FRMPD4: variants seen among roughly 807,000 people sequenced by gnomAD.
The protein encoded by FRMPD4 is FERM and PDZ domain containing 4, also known as FERM and PDZ domain-containing protein 4.
Under a neutral mutation model 94.1 loss-of-function variants are expected in FRMPD4, and 22 were observed. The ratio of observed to expected loss-of-function variants is 0.23; its 90% CI spans 0.17 to 0.33. The LOEUF (loss-of-function observed/expected upper bound fraction) is 0.33, where lower values mean the gene tolerates loss of function less well. Ranked by LOEUF, FRMPD4 falls within the 10% of genes least tolerant of loss-of-function variation. The pLI is 1.00. For missense variants in FRMPD4, 1,111 were observed against 1,339.9 expected, an observed-to-expected ratio of 0.83 and a Z score of 2.67; for synonymous variants, 631 against 548.6, an observed-to-expected ratio of 1.15 and a Z score of -2.10.
At chrX:11,907,549 G>T (rs1298901682) in intron 3 of FRMPD4, among the ~76,000 whole-genome samples, 1 of 111,855 alleles carries the variant, frequency 8.9e-6, no homozygotes, top group Non-Finnish European at 1.9e-5. Flanking sequence ...GTTGCAGACT[G>T]CCATCTTCTT....
Position 12,683,354 on chromosome X carries a change from CTTGAATCGGA to C in FRMPD4, c.469-128_469-119del. On this transcript the variant is annotated intron_variant, in intron 5 of 16. Transcript: ENST00000675598. The stretch of plus-strand genomic sequence containing the variant: ...CTGCATCTATAATTTGCATTTTGTC[CTTGAATCGGA>C]CATGCACCAAGCATTTTATTTTTAA... The C allele has an allele frequency of 7.5e-6, 3 of 402,595 alleles. No homozygotes were observed. In the East Asian group the frequency reaches 1.3e-4, roughly 17 times the overall value. 33.2% of individuals were successfully genotyped at this position (402,595 alleles called of 1,213,427 possible).
intron 2 of FRMPD4, among the ~76,000 whole-genome samples, chrX:12,568,811 T>C (rs1033553248): frequency 5.3e-5 from 6 of 112,200 alleles, no homozygotes; most frequent in African/African-American, 1.3e-4. Flanking sequence ...ACTCAGACTA[T>C]TGAATATGGT....
intron 1 of FRMPD4, among the ~76,000 whole-genome samples, chrX:12,283,266 C>T (rs925931354): frequency 1.8e-5 from 2 of 113,130 alleles, no homozygotes; most frequent in Admixed American, 9.3e-5. Flanking sequence ...AGTAGGCATA[C>T]ATGCTTTAAT....
intron 3 of FRMPD4, among the ~76,000 whole-genome samples, chrX:12,076,679 A>G (rs778056946): frequency 3.6e-5 from 4 of 110,616 alleles, no homozygotes; most frequent in South Asian, 3.9e-4. Context: ...AGGCACTCTG[A>G]TTTCCCTTCC....
chrX:12,266,323 G>A (rs993048359), intron 1 of FRMPD4, among the ~76,000 whole-genome samples: 2 of 110,315 alleles, frequency 1.8e-5, no homozygotes, highest in Non-Finnish European at 3.8e-5. Flanking sequence ...GGTCTGCAAG[G>A]GTCACTGATC....
At chrX:12,025,676 G>T (rs2054656223) in intron 3 of FRMPD4, among the ~76,000 whole-genome samples, 1 of 111,973 alleles carries the variant, frequency 8.9e-6, no homozygotes, top group Non-Finnish European at 1.9e-5. Context: ...GAACCCATTT[G>T]TCATGTTCTG....
At chrX:12,063,835 C>G (rs996429448) in intron 3 of FRMPD4, among the ~76,000 whole-genome samples, 6 of 112,752 alleles carry the variant, frequency 5.3e-5, no homozygotes, top group Non-Finnish European at 1.1e-4. Context: ...TTCATGTTAT[C>G]TGTATCTCCT....
chrX:12,404,934 C>T (rs781759450), intron 1 of FRMPD4, among the ~76,000 whole-genome samples: 2 of 110,983 alleles, frequency 1.8e-5, no homozygotes, highest in East Asian at 5.7e-4. Context: ...ACCTGTGTTC[C>T]AATAAAACTT....
chrX:12,117,917 G>A (rs928391834), intron 3 of FRMPD4, among the ~76,000 whole-genome samples: 1 of 110,733 alleles, frequency 9.0e-6, no homozygotes, highest in Admixed American at 9.6e-5. Context: ...TTTGCTTCCC[G>A]AGCATATTAA....
chrX:12,177,299 G>A (rs1488306847), intron 1 of FRMPD4, among the ~76,000 whole-genome samples: 3 of 112,315 alleles, frequency 2.7e-5, no homozygotes, highest in Non-Finnish European at 5.6e-5. Flanking sequence ...CTATTTTTAT[G>A]TATGTTTGAA....
chrX:12,090,891 A>T (rs779579025), intron 3 of FRMPD4, among the ~76,000 whole-genome samples: 1 of 112,451 alleles, frequency 8.9e-6, no homozygotes, highest in South Asian at 3.7e-4. Flanking sequence ...GGATGATTGG[A>T]GGAGAGAGAC....
intron 2 of FRMPD4, among the ~76,000 whole-genome samples, chrX:12,547,643 T>C (rs1164895443): frequency 8.9e-6 from 1 of 112,168 alleles, no homozygotes; most frequent in African/African-American, 3.2e-5. Context: ...ACAGAAAGTA[T>C]GATTCCACTA....
At chrX:12,612,058 TACAC>T (rs1168495970) in intron 3 of FRMPD4, among the ~76,000 whole-genome samples, 2 of 111,753 alleles carry the variant, frequency 1.8e-5, no homozygotes, top group East Asian at 5.6e-4. Flanking sequence ...TCATATATTT[TACAC>T]ATACATAATA....
chrX:11,981,070 C>T (rs1195509126), intron 3 of FRMPD4, among the ~76,000 whole-genome samples: 1 of 111,558 alleles, frequency 9.0e-6, no homozygotes, highest in East Asian at 2.8e-4. Context: ...ACCATCTGGC[C>T]TACAAAGCCT....
chrX:12,405,612 T>C (rs1236529697), intron 1 of FRMPD4, among the ~76,000 whole-genome samples: 1 of 111,595 alleles, frequency 9.0e-6, no homozygotes, highest in Non-Finnish European at 1.9e-5. Flanking sequence ...GTCTCCCTCA[T>C]TAATGTGAAA....
At chrX:12,490,894 C>T (rs2057786654) in intron 1 of FRMPD4, among the ~76,000 whole-genome samples, 1 of 111,040 alleles carries the variant, frequency 9.0e-6, no homozygotes, top group South Asian at 3.9e-4. Flanking sequence ...AGAATTTCCT[C>T]ATTCCTTCTT....
intron 1 of FRMPD4, among the ~76,000 whole-genome samples, chrX:12,314,252 C>T (rs959705212): frequency 2.7e-5 from 3 of 112,453 alleles, no homozygotes; most frequent in African/African-American, 9.7e-5. Context: ...GTCAGTTTCA[C>T]TACAGGTAAT....
At chrX:12,619,817 G>A (rs1211162410) in intron 4 of FRMPD4, among the ~76,000 whole-genome samples, 1 of 111,279 alleles carries the variant, frequency 9.0e-6, no homozygotes, top group Non-Finnish European at 1.9e-5. Context: ...CTGGGAAATA[G>A]GCCAGTTCAT....
At chrX:12,323,210 G>A (rs1161334143) in intron 1 of FRMPD4, among the ~76,000 whole-genome samples, 1 of 111,657 alleles carries the variant, frequency 9.0e-6, no homozygotes, top group African/African-American at 3.3e-5. Flanking sequence ...GTAGCCTTGG[G>A]CTCTGGAAGC....
Sources: allele counts gnomAD v4.1 joint callset (sites outside exome capture counted in the v4.1 genomes callset), GRCh38; gene constraint gnomAD v4.1.1; transcripts MANE v1.5; gene names NCBI Gene and HGNC (gene_info 2026-07-23, HGNC 2026-07-21).